Variants in ADGRV1 observed in about 807,000 individuals in gnomAD.
ADGRV1 encodes adhesion G protein-coupled receptor V1, also known as G-protein coupled receptor 98.
ADGRV1 carries 359 observed loss-of-function variants against 596.2 expected under a neutral mutation model. The observed-to-expected ratio is 0.60, with a 90% CI of 0.55 to 0.66. ADGRV1 has a LOEUF of 0.66. Among genes scored for constraint, ADGRV1 ranks in the 30% least tolerant of loss-of-function variants. The probability of loss-of-function intolerance (pLI) is 0.00; values close to 1 mark genes in which losing one functional copy is unlikely to be tolerated. For synonymous variants in ADGRV1, 2,681 were observed against 2,679.2 expected, an observed-to-expected ratio of 1.00 and a Z score of -0.02; for missense variants, 7,274 against 7,575.6, an observed-to-expected ratio of 0.96 and a Z score of 1.48.
intron 82 of ADGRV1, among the ~76,000 whole-genome samples, chr5:90,862,657 T>C (rs1025589420): frequency 2.0e-5 from 3 of 152,100 alleles, no homozygotes; most frequent in Non-Finnish European, 2.9e-5. Context: ...ATGGAAGCCT[T>C]CCCAAAAAAC....
chr5:90,634,661 T>G (rs1302998636), intron 9 of ADGRV1, among the ~76,000 whole-genome samples: 2 of 151,938 alleles, frequency 1.3e-5, no homozygotes, highest in East Asian at 3.9e-4. Flanking sequence ...AAGGTCAAGG[T>G]AGTTGGATGT....
At chr5:90,597,537 A>G (rs1344647442) in intron 1 of ADGRV1, among the ~76,000 whole-genome samples, 1 of 152,220 alleles carries the variant, frequency 6.6e-6, no homozygotes, top group Non-Finnish European at 1.5e-5. Flanking sequence ...AAAGGATAAG[A>G]GTTGCACTGG....
At chr5:90,565,235 C>T (rs1171809262) in intron 1 of ADGRV1, among the ~76,000 whole-genome samples, 5 of 152,062 alleles carry the variant, frequency 3.3e-5, no homozygotes, top group Non-Finnish European at 4.4e-5. Context: ...AAAACTCCAT[C>T]TCAAAAAAAA....
chr5:90,977,646 A>G (rs6865241), intron 84 of ADGRV1, among the ~76,000 whole-genome samples: 113,417 of 152,118 alleles, frequency 0.75, 43,125 homozygotes, highest in African/African-American at 0.89. Context: ...ACTTAACAAG[A>G]TATGTCTTCA....
rs1393032160 is a variant in ADGRV1 at position 90,713,794 on chromosome 5, A to G, written c.9184+1366A>G. ...CTTATAAAAATCTGATTGAAATTAC[A>G]TAGGTGACATGCCCACCTCCATGAG... On this transcript the variant is annotated intron_variant, in intron 42 of 89. Coordinates refer to ENST00000405460, the MANE Select transcript of ADGRV1 (RefSeq NM_032119.4). Among the ~76,000 whole-genome samples the G allele has an allele frequency of 4.6e-5, 7 of 152,326 alleles. 1 individual carries two copies. The highest frequency in any genetic ancestry group is 3.9e-4 in the Admixed American group (6 of 15,294).
chr5:90,627,958 A>ACG (rs1304547939), intron 7 of ADGRV1, 182 bp downstream of exon 7: 3 of 414,922 alleles, frequency 7.2e-6, no homozygotes, highest in Non-Finnish European at 1.3e-5. Context: ...ACACACACAC[A>ACG]CACAAGAATA....
chr5:90,611,642 A>T (rs1007762666), intron 1 of ADGRV1, among the ~76,000 whole-genome samples: 2 of 151,972 alleles, frequency 1.3e-5, no homozygotes, highest in African/African-American at 4.8e-5. Context: ...ATCTTAAAAC[A>T]TATGTTTGAA....
intron 17 of ADGRV1, 138 bp downstream of exon 17, chr5:90,647,902 T>C: frequency 1.4e-6 from 1 of 722,930 alleles, no homozygotes. Flanking sequence ...ATTTCATTGC[T>C]TTCTTGAGAA....
chr5:91,068,164 AG>A (rs1788045387), intron 85 of ADGRV1, among the ~76,000 whole-genome samples: 1 of 152,180 alleles, frequency 6.6e-6, no homozygotes, highest in Non-Finnish European at 1.5e-5. Flanking sequence ...AATTAGAAAT[AG>A]TATCTGAGTG....
At chr5:90,673,381 A>T (rs1772758580) in intron 22 of ADGRV1, among the ~76,000 whole-genome samples, 1 of 152,156 alleles carries the variant, frequency 6.6e-6, no homozygotes, top group East Asian at 1.9e-4. Context: ...AATATATGAT[A>T]TTATATTGAT....
chr5:90,658,892 G>A (rs1466711461), intron 21 of ADGRV1, among the ~76,000 whole-genome samples: 1 of 152,150 alleles, frequency 6.6e-6, no homozygotes, highest in Non-Finnish European at 1.5e-5. Flanking sequence ...CTTCCCAGGT[G>A]TTCTGTGTGA....
chr5:90,721,133 C>T (rs1468117712), intron 45 of ADGRV1, 74 bp downstream of exon 45: 2 of 1,308,964 alleles, frequency 1.5e-6, no homozygotes, highest in East Asian at 2.5e-5. Context: ...ATATTTTTTC[C>T]TTTGAATTGT....
At chr5:91,015,865 C>T (rs1333013933) in intron 85 of ADGRV1, among the ~76,000 whole-genome samples, 1 of 151,914 alleles carries the variant, frequency 6.6e-6, no homozygotes, top group Non-Finnish European at 1.5e-5. Context: ...AGCTTGTTTA[C>T]ATTCAAGGTT....
intron 85 of ADGRV1, among the ~76,000 whole-genome samples, chr5:91,004,319 C>A (rs1192774497): frequency 1.3e-5 from 2 of 151,858 alleles, no homozygotes; most frequent in African/African-American, 4.8e-5. Context: ...TAATGGAAAA[C>A]AAATGAAAAG....
chr5:91,109,220 T>G (rs189935589), intron 87 of ADGRV1, among the ~76,000 whole-genome samples: 4 of 152,220 alleles, frequency 2.6e-5, no homozygotes, highest in Non-Finnish European at 4.4e-5. Flanking sequence ...TATTGGTCTA[T>G]CCTTATTATT....
intron 89 of ADGRV1, among the ~76,000 whole-genome samples, chr5:91,161,262 C>T (rs994979602): frequency 1.3e-5 from 2 of 152,184 alleles, no homozygotes; most frequent in Admixed American, 1.3e-4. Context: ...CACGGTTCTC[C>T]TGTTCCCAGC....
chr5:90,660,552 A>T (rs1770117446), intron 21 of ADGRV1, among the ~76,000 whole-genome samples: 1 of 152,142 alleles, frequency 6.6e-6, no homozygotes, highest in East Asian at 1.9e-4. Context: ...TTCCCTCAAA[A>T]TTTCTGAATG....
chr5:90,955,029 A>G (rs1777351316), intron 83 of ADGRV1, among the ~76,000 whole-genome samples: 1 of 151,492 alleles, frequency 6.6e-6, no homozygotes, highest in Admixed American at 6.6e-5. Flanking sequence ...TGCACTTAGA[A>G]GAAAAGACCA....
intron 76 of ADGRV1, 125 bp from the exon 77 acceptor site, chr5:90,828,819 T>G (rs1249385486): frequency 3.9e-6 from 2 of 515,506 alleles, no homozygotes; most frequent in Non-Finnish European, 6.1e-6. Context: ...AGAATATATC[T>G]CTAGATTTAT....
Sources: gnomAD v4.1 joint callset for allele counts (sites outside exome capture counted in the v4.1 genomes callset) on GRCh38, gnomAD v4.1.1 for gene constraint, MANE v1.5 for transcripts, NCBI Gene and HGNC (gene_info 2026-07-23, HGNC 2026-07-21) for gene names.